Variants in GOLM2 observed in about 807,000 individuals in gnomAD.
GOLM2 encodes golgi membrane protein 2.
GOLM2 carries 26 observed loss-of-function variants against 55.9 expected under a neutral mutation model. That is an observed-to-expected ratio of 0.47 (90% CI 0.34 to 0.65). The LOEUF (loss-of-function observed/expected upper bound fraction) is 0.65, where lower values mean the gene tolerates loss of function less well. Among genes scored for constraint, GOLM2 ranks in the 30% least tolerant of loss-of-function variants. The pLI, the probability that GOLM2 is intolerant of heterozygous loss-of-function variation, is 0.01. For missense variants in GOLM2, 486 were observed against 531.8 expected (o/e 0.91, Z 0.85); for synonymous variants, 165 against 194.6 (o/e 0.85, Z 1.27).
intron 9 of GOLM2, among the ~76,000 whole-genome samples, chr15:44,412,831 C>T (rs559723635): frequency 6.7e-4 from 101 of 151,784 alleles, no homozygotes; most frequent in Middle Eastern, 3.4e-3. Context: ...GGTAAAACCC[C>T]GTCTCTACTA....
chr15:44,343,377 C>G (rs1322344885), intron 6 of GOLM2, among the ~76,000 whole-genome samples: 1 of 151,694 alleles, frequency 6.6e-6, no homozygotes, highest in East Asian at 1.9e-4. Context: ...AATTGTAGCC[C>G]CATTTTTAAT....
chr15:44,321,779 C>T (rs1311314935), intron 1 of GOLM2, among the ~76,000 whole-genome samples: 6 of 152,114 alleles, frequency 3.9e-5, no homozygotes, highest in African/African-American at 1.4e-4. Context: ...TTAGGTTGGC[C>T]ATGGTGGTTC....
chr15:44,305,369 G>A (rs1023905662), intron 1 of GOLM2, among the ~76,000 whole-genome samples: 11 of 150,938 alleles, frequency 7.3e-5, no homozygotes, highest in South Asian at 2.1e-4. Context: ...GTGCGATCTC[G>A]GCTCACTACA....
chr15:44,340,401 C>T (rs943880348), intron 6 of GOLM2, among the ~76,000 whole-genome samples: 1 of 152,128 alleles, frequency 6.6e-6, no homozygotes, highest in Non-Finnish European at 1.5e-5. Flanking sequence ...TCTAGGACTA[C>T]AGGCACACAC....
chr15:44,378,834 C>T (rs1484865627), intron 6 of GOLM2, among the ~76,000 whole-genome samples: 1 of 151,258 alleles, frequency 6.6e-6, no homozygotes, highest in East Asian at 2.0e-4. Flanking sequence ...CAACTTCCGC[C>T]TCCCAGATTC....
At chr15:44,363,445 GC>G (rs1236297018) in intron 6 of GOLM2, among the ~76,000 whole-genome samples, 4 of 152,214 alleles carry the variant, frequency 2.6e-5, no homozygotes, top group Admixed American at 2.6e-4. Flanking sequence ...ATGGAAAAAT[GC>G]TCACCATCAC....
chr15:44,313,138 A>G (rs2078885714), intron 1 of GOLM2, among the ~76,000 whole-genome samples: 1 of 151,960 alleles, frequency 6.6e-6, no homozygotes, highest in African/African-American at 2.4e-5. Flanking sequence ...AATCCCAGCT[A>G]CTTGGGAGGC....
At chr15:44,342,169 T>C (rs1310034912) in intron 6 of GOLM2, among the ~76,000 whole-genome samples, 1 of 152,114 alleles carries the variant, frequency 6.6e-6, no homozygotes, top group Non-Finnish European at 1.5e-5. Context: ...AATTGATCGT[T>C]AATGTAAAAA....
intron 3 of GOLM2, among the ~76,000 whole-genome samples, chr15:44,330,514 GAA>G (rs764271493): frequency 2.2e-3 from 162 of 72,334 alleles, no homozygotes; most frequent in African/African-American, 7.5e-3. Flanking sequence ...ACTCCATCTG[GAA>G]AAAAAAAAAA....
At chr15:44,308,620 A>G (rs78385772) in intron 1 of GOLM2, 2 of 151,260 alleles carry the variant, frequency 1.3e-5, no homozygotes, top group African/African-American at 4.9e-5. Context: ...TTTTTTTTTT[A>G]GAGACAAGGT....
chr15:44,341,116 T>G (rs1217583268), intron 6 of GOLM2, among the ~76,000 whole-genome samples: 1 of 149,550 alleles, frequency 6.7e-6, no homozygotes, highest in Non-Finnish European at 1.5e-5. Context: ...AGTCTCACTC[T>G]GTAGCCCAGG....
chr15:44,365,524 C>G (rs1034856753), intron 6 of GOLM2, among the ~76,000 whole-genome samples: 1 of 150,846 alleles, frequency 6.6e-6, no homozygotes, highest in African/African-American at 2.4e-5. Flanking sequence ...GTGTCAAAAA[C>G]AAAAAAGACT....
At chr15:44,410,872 C>T (rs1229499370) in intron 9 of GOLM2, among the ~76,000 whole-genome samples, 2 of 136,170 alleles carry the variant, frequency 1.5e-5, no homozygotes, top group Non-Finnish European at 1.5e-5. Context: ...CACTGTACTC[C>T]AACCTGAGTG....
At chr15:44,318,446 C>T (rs746495760) in intron 1 of GOLM2, among the ~76,000 whole-genome samples, 7 of 152,334 alleles carry the variant, frequency 4.6e-5, no homozygotes, top group East Asian at 1.9e-4. Flanking sequence ...GCGTGGCTTA[C>T]GCCCATAATC....
intron 6 of GOLM2, among the ~76,000 whole-genome samples, chr15:44,368,042 G>A (rs1388348538): frequency 6.6e-6 from 1 of 151,492 alleles, no homozygotes; most frequent in Non-Finnish European, 1.5e-5. Context: ...CCAAATTTGG[G>A]GAAATTTCAG....
At chr15:44,370,682 G>A (rs528519737) in intron 6 of GOLM2, among the ~76,000 whole-genome samples, 2 of 152,030 alleles carry the variant, frequency 1.3e-5, no homozygotes, top group Non-Finnish European at 2.9e-5. Flanking sequence ...TAGGGAAGAC[G>A]GGGAGAATTT....
At chr15:44,384,653 A>G (rs989713738) in intron 8 of GOLM2, among the ~76,000 whole-genome samples, 3 of 152,158 alleles carry the variant, frequency 2.0e-5, no homozygotes. Context: ...AGGCTGAGGC[A>G]GGAGAATGGT....
rs2079667953 is a variant in GOLM2 at position 44,415,523 on chromosome 15, G to T, written c.*2117G>T. On this transcript the variant is annotated 3_prime_UTR_variant, in exon 10 of 10. Transcript: ENST00000299957. ...TATAAACAGAAATCTTGGACCAATT[G>T]ATAATATTTCTGACTGTATTAATAT... The T allele has an allele frequency of 6.6e-6, 1 of 152,496 alleles. No homozygotes were observed. Among genetic ancestry groups the T allele is most frequent in the Non-Finnish European group, 1.5e-5 (1 of 68,006 alleles). 9.4% of individuals were successfully genotyped at this position (152,496 alleles called of 1,614,324 possible). A position where few individuals can be genotyped will look rare whatever the true frequency, so the allele number is the denominator to read the frequency against.
At chr15:44,342,877 A>G (rs1388735415) in intron 6 of GOLM2, among the ~76,000 whole-genome samples, 4 of 152,222 alleles carry the variant, frequency 2.6e-5, no homozygotes, top group African/African-American at 9.6e-5. Context: ...CAAATTGCCT[A>G]GATTCAAACC....
Sources: gnomAD v4.1 joint callset for allele counts (sites outside exome capture counted in the v4.1 genomes callset) on GRCh38, gnomAD v4.1.1 for gene constraint, MANE v1.5 for transcripts, NCBI Gene and HGNC (gene_info 2026-07-23, HGNC 2026-07-21) for gene names.